Variants in DNMT3A observed in about 807,000 individuals in gnomAD.
The protein encoded by DNMT3A is DNA (cytosine-5)-methyltransferase 3A.
DNMT3A carries 267 observed loss-of-function variants against 117.6 expected under a neutral mutation model. The observed-to-expected ratio is 2.27, with a 90% confidence interval of 2.05 to 2.51. The LOEUF (loss-of-function observed/expected upper bound fraction) is 2.51. Among genes scored for constraint, DNMT3A ranks in the 30% most tolerant of loss-of-function variants. The pLI is 0.00. For missense variants in DNMT3A, 1,029 were observed against 1,260.2 expected (o/e 0.82, Z 2.78); for synonymous variants, 432 against 474.8 (o/e 0.91, Z 1.17).
At chr2:25,334,028 T>C (rs1410656723) in intron 1 of DNMT3A, among the ~76,000 whole-genome samples, 1 of 152,196 alleles carries the variant, frequency 6.6e-6, no homozygotes, top group Non-Finnish European at 1.5e-5. Flanking sequence ...AGTTCTGTGC[T>C]TGCCTCCAAG....
rs2033693490 is a variant in DNMT3A at position 25,304,693 on chromosome 2, C to G, written c.73-4450G>C. Reference sequence around the variant, plus strand: ...CTCCTCAGCTCATGTGCAGGGCGGTCCCCAGGATTTGGCTGGATCGCCTTG... The same window carrying G: ...CTCCTCAGCTCATGTGCAGGGCGGTGCCCAGGATTTGGCTGGATCGCCTTG... On this transcript the variant is annotated intron_variant, in intron 2 of 22. Coordinates refer to ENST00000321117, the MANE Select transcript of DNMT3A (RefSeq NM_022552.5). The surrounding 1 kb of genome is among the most constrained non-coding windows in gnomAD (Gnocchi z 4.3). 6.6e-6 allele frequency among the ~76,000 whole-genome samples: 1 copy of G among 152,234 alleles called. No homozygotes were observed. The highest frequency in any genetic ancestry group is 1.5e-5 in the Non-Finnish European group (1 of 68,050).
chr2:25,336,211 G>T (rs538742645), intron 1 of DNMT3A, among the ~76,000 whole-genome samples: 1 of 152,376 alleles, frequency 6.6e-6, no homozygotes, highest in African/African-American at 2.4e-5. Context: ...TCCCCTCTGG[G>T]TTGGTGGCTC....
chr2:25,315,981 C>T (rs959994611), intron 1 of DNMT3A, among the ~76,000 whole-genome samples: 37 of 152,336 alleles, frequency 2.4e-4, no homozygotes, highest in African/African-American at 7.9e-4. Context: ...CTACTCCTGA[C>T]GGAGGCTTCC....
chr2:25,234,892 T>C lies in DNMT3A; in HGVS notation c.2598-472A>G, dbSNP rs1487929946. Among the ~76,000 whole-genome samples, 1 of 152,146 alleles carries C rather than the reference T, an allele frequency of 6.6e-6. No individual in the cohort carries two copies. On this transcript the variant is annotated intron_variant, in intron 22 of 22. Coordinates refer to ENST00000321117, the MANE Select transcript of DNMT3A (RefSeq NM_022552.5). The surrounding 1 kb of genome is among the most constrained non-coding windows in gnomAD (Gnocchi z 4.5). Reference sequence around the variant, plus strand: ...AAAAGGAGCCGAACTCCTGCCTGACTTCAGAAGCTGAAGGATTTCCTGTTT... The same window carrying C: ...AAAAGGAGCCGAACTCCTGCCTGACCTCAGAAGCTGAAGGATTTCCTGTTT...
rs1016002858 is a variant in DNMT3A at position 25,275,256 on chromosome 2, G to A, written c.493-169C>T. 2.9e-4 allele frequency among the ~76,000 whole-genome samples: 44 copies of A among 152,132 alleles called. 1 individual carries two copies. Among genetic ancestry groups the A allele is most frequent in the Non-Finnish European group, 1.6e-4 (11 of 68,028 alleles). On this transcript the variant is annotated intron_variant, in intron 5 of 22. Coordinates refer to ENST00000321117, the MANE Select transcript of DNMT3A (RefSeq NM_022552.5). Reference sequence around the variant, plus strand: ...TGGAGGAGCGAGGGGCATGTGTGGCGGGGGTGGGGGGGCACATGGACACGG... The same window carrying A: ...TGGAGGAGCGAGGGGCATGTGTGGCAGGGGTGGGGGGGCACATGGACACGG...
chr2:25,262,309 C>A (rs1157776895), intron 6 of DNMT3A, among the ~76,000 whole-genome samples: 1 of 152,094 alleles, frequency 6.6e-6, no homozygotes, highest in Non-Finnish European at 1.5e-5. Context: ...TCTTAAAGAC[C>A]TTGCGGTAGA....
chr2:25,278,113 GCT>G (rs2031607994), intron 4 of DNMT3A, among the ~76,000 whole-genome samples: 1 of 151,960 alleles, frequency 6.6e-6, no homozygotes. Flanking sequence ...AGGGTCAGCT[GCT>G]CTCTCAGTAC....
chr2:25,324,366 C>T (rs187443195), intron 1 of DNMT3A, among the ~76,000 whole-genome samples: 1 of 152,300 alleles, frequency 6.6e-6, no homozygotes, highest in African/African-American at 2.4e-5. Flanking sequence ...CTAGAAAGCC[C>T]CAGGGCAGGA....
chr2:25,277,329 C>A (rs572972089), intron 4 of DNMT3A, among the ~76,000 whole-genome samples: 295 of 152,292 alleles, frequency 1.9e-3, no homozygotes, highest in African/African-American at 6.8e-3. Context: ...GGGGCCTCCC[C>A]GTTCCCAGGC....
At chr2:25,292,806 G>A (rs1573442426) in intron 3 of DNMT3A, among the ~76,000 whole-genome samples, 1 of 152,054 alleles carries the variant, frequency 6.6e-6, no homozygotes, top group East Asian at 1.9e-4. Flanking sequence ...GATGATGAAA[G>A]AAAGCCCATG....
chr2:25,248,141 T>G lies in DNMT3A; in HGVS notation c.751A>C (p.Thr251Pro), dbSNP rs139388008. 11 of 1,613,720 alleles carry G rather than the reference T, an allele frequency of 6.8e-6. No homozygotes were observed. Among genetic ancestry groups the G allele is most frequent in the African/African-American group, 5.3e-5 (4 of 74,922 alleles). The stretch of plus-strand genomic sequence containing the variant: ...GCCACAGTGGGGGATGCGGGGTCAG[T>G]GGGCTGCTGCACAGCAGGAGGGCTG... Reference protein sequence around the residue: ...EASPPAVQQPTDPASPTVATT... With the variant: ...EASPPAVQQPPDPASPTVATT... Residue 251 changes from threonine (T) to proline (P), a missense_variant, in exon 7 of 23, where the codon ACT (threonine) becomes CCT (proline). Transcript: ENST00000321117.
At chr2:25,291,869 G>A (rs1054075933) in intron 3 of DNMT3A, among the ~76,000 whole-genome samples, 40 of 152,322 alleles carry the variant, frequency 2.6e-4, no homozygotes, top group African/African-American at 7.7e-4. Context: ...TGTTTCCAGC[G>A]GGGACACTGG....
intron 6 of DNMT3A, among the ~76,000 whole-genome samples, chr2:25,274,704 A>G (rs1221624409): frequency 6.6e-6 from 1 of 152,236 alleles, no homozygotes; most frequent in Non-Finnish European, 1.5e-5. Context: ...CCCCATCAGA[A>G]TGTCAACTCC....
At chr2:25,248,291 C>G (rs776013758) in intron 6 of DNMT3A, 39 bp from the exon 7 acceptor site, 6 of 1,600,256 alleles carry the variant, frequency 3.7e-6, no homozygotes, top group Admixed American at 1.8e-5. Flanking sequence ...TTGACCTCTC[C>G]AGGAATTAGC....
In DNMT3A at chr2:25,275,103, A is replaced by G; in HGVS notation, c.493-16T>C. On this transcript the variant is annotated splice_polypyrimidine_tract_variant and intron_variant, in intron 5 of 22. Transcript: ENST00000321117. Reference sequence around the variant, plus strand: ...CCCGGGAGCCCTAGGACAGAGAGACAGACATTAGGGCATTAGGGTGGGCAC... The same window carrying G: ...CCCGGGAGCCCTAGGACAGAGAGACGGACATTAGGGCATTAGGGTGGGCAC... 1 of 1,562,348 alleles carries G rather than the reference A, an allele frequency of 6.4e-7. No homozygotes were observed. Among genetic ancestry groups the G allele is most frequent in the South Asian group, 1.2e-5 (1 of 86,054 alleles).
intron 2 of DNMT3A, among the ~76,000 whole-genome samples, chr2:25,302,594 G>A (rs1430724614): frequency 6.6e-6 from 1 of 152,170 alleles, no homozygotes; most frequent in Non-Finnish European, 1.5e-5. Context: ...AAACTCGCGG[G>A]AGCCTTCATG....
At chr2:25,239,458 C>T (rs72810046) in intron 19 of DNMT3A, 5 of 620,596 alleles carry the variant, frequency 8.1e-6, no homozygotes, top group South Asian at 7.6e-5. Flanking sequence ...GGGTTGTCCT[C>T]TACACTGTTC....
chr2:25,252,258 G>A lies in DNMT3A; in HGVS notation c.640-4006C>T. ...GTGTGAGCCGCGGCCCTGAAGCTCT[G>A]GAAGTAGCTGCCCGTCTTGGGGGAG... On this transcript the variant is annotated intron_variant, in intron 6 of 22. Transcript: ENST00000321117. The surrounding 1 kb of genome is among the most constrained non-coding windows in gnomAD (Gnocchi z 5.5). The A allele has an allele frequency of 7.0e-7, 1 of 1,436,594 alleles. No homozygotes were observed. The highest frequency in any genetic ancestry group is 2.4e-5 in the Admixed American group (1 of 42,318). The allele number at this position is 1,436,594 out of a possible 1,614,324, so 89.0% of individuals were successfully genotyped here. A position where few individuals can be genotyped will look rare whatever the true frequency, so the allele number is the denominator to read the frequency against.
intron 6 of DNMT3A, among the ~76,000 whole-genome samples, chr2:25,250,054 T>C (rs1382266796): frequency 2.0e-5 from 3 of 151,900 alleles, no homozygotes; most frequent in African/African-American, 7.3e-5. Context: ...TTTCTAGGAG[T>C]TGCTCCAACA....
Sources: gnomAD v4.1 joint callset for allele counts (sites outside exome capture counted in the v4.1 genomes callset) on GRCh38, gnomAD v4.1.1 for gene constraint, Gnocchi (gnomAD v3.1) non-coding constraint, MANE v1.5 for transcripts, NCBI Gene and HGNC (gene_info 2026-07-23, HGNC 2026-07-21) for gene names.